The following EXOC2 variants were observed in gnomAD, a reference collection of about 807,000 sequenced individuals.
EXOC2 encodes exocyst complex component 2.
Under a neutral mutation model 131.8 loss-of-function variants are expected in EXOC2, and 70 were observed. That is an observed-to-expected ratio of 0.53 (90% CI 0.44 to 0.65). The LOEUF (loss-of-function observed/expected upper bound fraction) is 0.65, where lower values mean the gene tolerates loss of function less well. Among genes scored for constraint, EXOC2 ranks in the 30% least tolerant of loss-of-function variants. The pLI, the probability that EXOC2 is intolerant of heterozygous loss-of-function variation, is 0.00. For synonymous variants in EXOC2, 411 were observed against 398.4 expected (o/e 1.03, Z -0.38); for missense variants, 923 against 1,108.6 (o/e 0.83, Z 2.38).
intron 6 of EXOC2, among the ~76,000 whole-genome samples, chr6:614,309 A>G (rs1402143471): frequency 6.6e-6 from 1 of 152,176 alleles, no homozygotes; most frequent in East Asian, 1.9e-4. Flanking sequence ...GGGCCGTACT[A>G]CAGACTCCGG....
chr6:526,157 G>A (rs556197691), intron 23 of EXOC2, among the ~76,000 whole-genome samples: 5 of 152,036 alleles, frequency 3.3e-5, no homozygotes, highest in African/African-American at 7.2e-5. Context: ...GCACACACAC[G>A]TATGTGTATA....
At chr6:526,014 TAAA>T (rs1439280938) in intron 23 of EXOC2, among the ~76,000 whole-genome samples, 2 of 152,222 alleles carry the variant, frequency 1.3e-5, no homozygotes, top group Non-Finnish European at 2.9e-5. Context: ...CTACATATAT[TAAA>T]AAATGTTTCA....
chr6:570,567 C>T (rs1050400639), intron 13 of EXOC2, among the ~76,000 whole-genome samples: 23 of 152,166 alleles, frequency 1.5e-4, no homozygotes, highest in Non-Finnish European at 1.0e-4. Context: ...ATGTGCCAGG[C>T]CGATGAGATT....
chr6:551,420 ACT>A (rs1757135649), intron 21 of EXOC2, among the ~76,000 whole-genome samples: 2 of 152,346 alleles, frequency 1.3e-5, no homozygotes, highest in Middle Eastern at 3.4e-3. Flanking sequence ...ACAAAAAAAC[ACT>A]GGAGACTAAG....
At chr6:674,661 C>A (rs1764027030) in intron 1 of EXOC2, among the ~76,000 whole-genome samples, 1 of 152,092 alleles carries the variant, frequency 6.6e-6, no homozygotes, top group South Asian at 2.1e-4. Flanking sequence ...CTCCTCTCTG[C>A]TACTAAATCC....
intron 16 of EXOC2, 93 bp from the exon 17 acceptor site, chr6:562,938 G>T: frequency 2.3e-6 from 2 of 874,864 alleles, no homozygotes; most frequent in Non-Finnish European, 3.3e-6. Context: ...GTTTTTCATT[G>T]TTTTATATAG....
chr6:494,646 CAGTT>C (rs915345013), intron 25 of EXOC2, among the ~76,000 whole-genome samples: 7 of 152,156 alleles, frequency 4.6e-5, no homozygotes, highest in African/African-American at 1.4e-4. Context: ...TTTCTCATCA[CAGTT>C]AGTTTTATTT....
At chr6:557,638 AAAG>A (rs1463211017) in intron 17 of EXOC2, among the ~76,000 whole-genome samples, 45 of 151,150 alleles carry the variant, frequency 3.0e-4, no homozygotes, top group African/African-American at 9.2e-4. Flanking sequence ...AAAAAAAAGA[AAAG>A]AAGAAGAACT....
At chr6:500,313 CT>C (rs1280789479) in intron 23 of EXOC2, among the ~76,000 whole-genome samples, 1 of 152,162 alleles carries the variant, frequency 6.6e-6, no homozygotes, top group African/African-American at 2.4e-5. Context: ...AAGTTAAAGC[CT>C]GGACAAAATA....
Position 598,110 on chromosome 6 carries a change from T to C in EXOC2, c.984A>G (p.Val328=), listed in dbSNP as rs767852297. ...CTCTTAAAGCTTCAATCCTTGTTTC[T>C]ACTTCAGCATAATCTATTTAAAAAG... ...VQVFKKYYAE[V]ETRIEALREL... is the part of the protein sequence containing the mutation. Residue 328 remains valine, a synonymous_variant, in exon 10 of 28, where the codon GTA becomes GTG. Transcript: ENST00000230449. The C allele has an allele frequency of 2.5e-6, 4 of 1,608,750 alleles. No homozygotes were observed. In the East Asian group the frequency reaches 6.7e-5, roughly 27 times the overall value.
intron 22 of EXOC2, among the ~76,000 whole-genome samples, chr6:545,243 G>C (rs971269051): frequency 2.0e-5 from 3 of 151,798 alleles, no homozygotes; most frequent in African/African-American, 7.3e-5. Flanking sequence ...TGAAAATCTG[G>C]AAGTATACAA....
rs997833807 is a variant in EXOC2, at chr6:657,092, G to T, written c.-43-19231C>A. On this transcript the variant is annotated intron_variant, in intron 1 of 27. Coordinates refer to ENST00000230449, the MANE Select transcript of EXOC2 (RefSeq NM_018303.6). ...GGCACTCGGGTTCCCGGTTGCGGTT[G>T]CGGGTTCTGTTGTGGGTTCCGCAGC... is the stretch of plus-strand genomic sequence containing the variant. 6.3e-6 allele frequency: 4 copies of T among 631,222 alleles called. No individual in the cohort carries two copies. The Admixed American group carries it at 1.5e-4, about 23-fold the overall frequency. 39.1% of individuals were successfully genotyped at this position (631,222 alleles called of 1,614,324 possible).
chr6:618,477 C>T (rs978744927), intron 5 of EXOC2, among the ~76,000 whole-genome samples: 13 of 152,218 alleles, frequency 8.5e-5, no homozygotes, highest in South Asian at 2.1e-4. Context: ...AAACTTTAAA[C>T]GTATTCTTGA....
chr6:489,059 C>A (rs375968421), intron 26 of EXOC2, 21 bp from the exon 27 acceptor site: 432 of 1,613,314 alleles, frequency 2.7e-4, no homozygotes, highest in African/African-American at 5.1e-4. Context: ...AACAGCCACA[C>A]TGAAGTTGAA....
intron 1 of EXOC2, among the ~76,000 whole-genome samples, chr6:638,661 G>A (rs1285002360): frequency 9.9e-5 from 15 of 152,250 alleles, no homozygotes; most frequent in Non-Finnish European, 1.6e-4. Context: ...TGCCGGGTGC[G>A]GTGGCTCATG....
At chr6:492,510 C>A (rs1763495954) in intron 25 of EXOC2, among the ~76,000 whole-genome samples, 1 of 152,120 alleles carries the variant, frequency 6.6e-6, no homozygotes, top group Admixed American at 6.5e-5. Context: ...CACAAATGCC[C>A]ATCAGCTGAT....
intron 6 of EXOC2, 51 bp downstream of exon 6, chr6:617,660 C>T (rs1010160306): frequency 2.3e-5 from 36 of 1,588,394 alleles, no homozygotes; most frequent in Admixed American, 7.0e-5. Flanking sequence ...CAGGCAGTGC[C>T]GGGTTTCCAT....
intron 23 of EXOC2, among the ~76,000 whole-genome samples, chr6:522,359 A>C (rs894255974): frequency 1.3e-5 from 2 of 149,534 alleles, no homozygotes; most frequent in Non-Finnish European, 3.0e-5. Context: ...GGCCTCAGCC[A>C]GGCCCATGCG....
rs768150521 is a variant in EXOC2, at chr6:486,001, AGAGT to A, written c.*666_*669del. The A allele has an allele frequency of 3.4e-4, 52 of 152,408 alleles. No individual in the cohort carries two copies. The highest frequency in any genetic ancestry group is 6.8e-3 in the Middle Eastern group (2 of 294). 9.4% of individuals were successfully genotyped at this position (152,408 alleles called of 1,614,324 possible). On this transcript the variant is annotated 3_prime_UTR_variant, in exon 28 of 28. Coordinates refer to ENST00000230449, the MANE Select transcript of EXOC2 (RefSeq NM_018303.6). The stretch of plus-strand genomic sequence containing the variant: ...ATGTGTAGTGACGCACGACAAATTA[AGAGT>A]GAGTGAGAATGAAAGCTCATGCTTA...
Sources: gnomAD v4.1 joint callset for allele counts (sites outside exome capture counted in the v4.1 genomes callset) on GRCh38, gnomAD v4.1.1 for gene constraint, MANE v1.5 for transcripts, NCBI Gene and HGNC (gene_info 2026-07-23, HGNC 2026-07-21) for gene names.